PSMD9: variants seen among roughly 807,000 people sequenced by gnomAD.
PSMD9 encodes 26S proteasome non-ATPase regulatory subunit 9.
Under a neutral mutation model 25.9 loss-of-function variants are expected in PSMD9, and 26 were observed. The observed-to-expected ratio is 1.00, with a 90% CI of 0.73 to 1.39. The LOEUF is 1.39. PSMD9 is among the 40% of genes most tolerant of loss of function. PSMD9 has a pLI of 0.00. For synonymous variants in PSMD9, 110 were observed against 114.5 expected (o/e 0.96, Z 0.25); for missense variants, 303 against 299.3 (o/e 1.01, Z -0.09).
rs778886074 is a variant in PSMD9 at position 121,888,811 on chromosome 12, C to T, written c.-46C>T. ...AGTTACGGTCGACTGGGGCGTCGTC[C>T]CTAGCCCGGGAGCCGGGTCTCTGGA... On this transcript the variant is annotated 5_prime_UTR_variant, in exon 1 of 6. Transcript: ENST00000541212. 1.9e-6 allele frequency: 3 copies of T among 1,578,252 alleles called. No individual in the cohort carries two copies. Among genetic ancestry groups the T allele is most frequent in the Non-Finnish European group, 8.6e-7 (1 of 1,163,298 alleles).
rs190570075 is a variant in PSMD9, at chr12:121,907,104, T to A, written c.555+3997T>A. Among the ~76,000 whole-genome samples the A allele has an allele frequency of 1.1e-4, 16 of 152,254 alleles. 1 individual carries two copies. The highest frequency in any genetic ancestry group is 2.9e-4 in the African/African-American group (12 of 41,560). On this transcript the variant is annotated intron_variant, in intron 4 of 5. Transcript: ENST00000541212. ...TTTTTTTTGAGACGAAGTTTTTCTC[T>A]TGTTGCCTAGGCTGGAGTGCAATGG...
chr12:121,904,137 C>T (rs933837043), intron 4 of PSMD9, among the ~76,000 whole-genome samples: 2 of 151,924 alleles, frequency 1.3e-5, no homozygotes, highest in African/African-American at 2.4e-5. Flanking sequence ...GTGGTCAGGC[C>T]ATCGTTTCTG....
intron 4 of PSMD9, among the ~76,000 whole-genome samples, chr12:121,910,083 CTTTTTTTTTTTT>C (rs34940246): frequency 1.0e-5 from 1 of 95,562 alleles, no homozygotes; most frequent in East Asian, 3.3e-4. Flanking sequence ...TAGGAAATGA[CTTTTTTTTTTTT>C]TTTTTTTTTG....
In PSMD9 at chr12:121,888,906, T is replaced by C. The variant is rs2230681; in HGVS notation, c.50T>C (p.Val17Ala). The change falls in exon 1 of 6, where the codon GTC (valine) becomes GCC (alanine). Residue 17 changes from valine to alanine, a missense_variant. Coordinates refer to ENST00000541212, the MANE Select transcript of PSMD9 (RefSeq NM_002813.7). ...RQSGGSSQAG[V>A]VTVSDVQELM... ...AGCGGAGGCTCCTCGCAGGCCGGCG[T>C]CGTGACTGTCAGCGACGTCCAGGAG... The C allele has an allele frequency of 0.86, 1,372,548 of 1,596,832 alleles. 591,063 individuals are homozygous for C. Among genetic ancestry groups the C allele is most frequent in the Middle Eastern group, 0.9 (5,292 of 5,904 alleles).
chr12:121,916,860 A>G lies in PSMD9; in HGVS notation c.*549A>G, dbSNP rs1222806605. On this transcript the variant is annotated 3_prime_UTR_variant, in exon 6 of 6. Coordinates refer to ENST00000541212, the MANE Select transcript of PSMD9 (RefSeq NM_002813.7). The stretch of plus-strand genomic sequence containing the variant: ...GCAGCTGGGCTGTCAGGGCCATAGT[A>G]GCTCCCTTTGGAGAACAGGGAAAGC... 1 of 153,576 alleles carries G rather than the reference A, an allele frequency of 6.5e-6. No individual in the cohort carries two copies. Among genetic ancestry groups the G allele is most frequent in the East Asian group, 1.9e-4 (1 of 5,224 alleles). 9.5% of individuals were successfully genotyped at this position (153,576 alleles called of 1,614,324 possible). A position where few individuals can be genotyped will look rare whatever the true frequency, so the allele number is the denominator to read the frequency against.
chr12:121,895,136 C>G (rs149543970), intron 2 of PSMD9, among the ~76,000 whole-genome samples: 1 of 152,132 alleles, frequency 6.6e-6, no homozygotes, highest in South Asian at 2.1e-4. Context: ...TCTCAACCCC[C>G]CAGGCTCCAA....
At chr12:121,903,289 C>G (rs1436583690) in intron 4 of PSMD9, among the ~76,000 whole-genome samples, 182 bp downstream of exon 4, 3 of 152,160 alleles carry the variant, frequency 2.0e-5, no homozygotes, top group African/African-American at 4.8e-5. Flanking sequence ...CTAGGTGGTG[C>G]CTTCTTGCTG....
chr12:121,901,762 G>A lies in PSMD9; in HGVS notation c.454-1244G>A, dbSNP rs553488948. 2.0e-3 allele frequency among the ~76,000 whole-genome samples: 269 copies of A among 136,946 alleles called. 4 individuals are homozygous for A. Among genetic ancestry groups the A allele is most frequent in the African/African-American group, 7.0e-3 (249 of 35,652 alleles). 89.8% of individuals were successfully genotyped at this position (136,946 alleles called of 152,430 possible). ...ACGATCTCGGCTCACTGCAAGCTCC[G>A]CCTCCCAGGTTCACGCCATTCTCCT... On this transcript the variant is annotated intron_variant, in intron 3 of 5. Transcript: ENST00000541212.
intron 4 of PSMD9, among the ~76,000 whole-genome samples, chr12:121,912,747 T>A (rs1366765583): frequency 6.6e-6 from 1 of 150,780 alleles, no homozygotes; most frequent in Non-Finnish European, 1.5e-5. Flanking sequence ...GTGCCTGTAG[T>A]CACAGCTACT....
At chr12:121,898,782 C>T (rs879620737) in intron 2 of PSMD9, 23 of 152,038 alleles carry the variant, frequency 1.5e-4, no homozygotes, top group Non-Finnish European at 2.9e-4. Context: ...AGTGCAGTGG[C>T]GCGATCTCGG....
chr12:121,908,780 A>G (rs1262154179), intron 4 of PSMD9, among the ~76,000 whole-genome samples: 1 of 152,150 alleles, frequency 6.6e-6, no homozygotes, highest in Non-Finnish European at 1.5e-5. Context: ...TCAGATGTGT[A>G]TAGAAGTTTC....
chr12:121,903,645 A>G (rs1427279795), intron 4 of PSMD9, among the ~76,000 whole-genome samples: 1 of 151,486 alleles, frequency 6.6e-6, no homozygotes, highest in Non-Finnish European at 1.5e-5. Flanking sequence ...TCTGTTTTAC[A>G]CTGGTGACAT....
chr12:121,898,080 A>G (rs890186380), intron 2 of PSMD9: 4 of 152,102 alleles, frequency 2.6e-5, no homozygotes, highest in African/African-American at 7.2e-5. Flanking sequence ...ACCATGTATT[A>G]TGTAAGTCTG....
rs1001352416 is a variant in PSMD9 at position 121,909,535 on chromosome 12, G to A, written c.556-6321G>A. 1.9e-4 allele frequency among the ~76,000 whole-genome samples: 28 copies of A among 151,308 alleles called. 1 individual carries two copies. The highest frequency in any genetic ancestry group is 4.1e-4 in the African/African-American group (17 of 41,100). ...AGGGTCTTGCTATGTTGCCTAGGCCGGTCTAGAACTCCTGGGCTCAAGTGA... is the reference window on the plus strand; with the variant it reads ...AGGGTCTTGCTATGTTGCCTAGGCCAGTCTAGAACTCCTGGGCTCAAGTGA... On this transcript the variant is annotated intron_variant, in intron 4 of 5. Coordinates refer to ENST00000541212, the MANE Select transcript of PSMD9 (RefSeq NM_002813.7).
intron 4 of PSMD9, among the ~76,000 whole-genome samples, chr12:121,912,404 G>A (rs1879752241): frequency 6.6e-6 from 1 of 152,124 alleles, no homozygotes; most frequent in South Asian, 2.1e-4. Context: ...CCCACCAGTG[G>A]TGCACAGGGC....
chr12:121,900,130 T>G (rs976273864), intron 3 of PSMD9, among the ~76,000 whole-genome samples: 2 of 152,072 alleles, frequency 1.3e-5, no homozygotes, highest in African/African-American at 4.8e-5. Context: ...GATCTCTTCT[T>G]GGGGCTCATT....
rs1879935304 is a variant in PSMD9, at chr12:121,917,138, G to T, written c.*827G>T. ...CCCAAGTATCTGGGACCACAGGCGT[G>T]CACCACCATGCATAGCTAATTTATT... On this transcript the variant is annotated 3_prime_UTR_variant, in exon 6 of 6. Transcript: ENST00000541212. 1 of 152,322 alleles carries T rather than the reference G, an allele frequency of 6.6e-6. No homozygotes were observed. Among genetic ancestry groups the T allele is most frequent in the Non-Finnish European group, 1.5e-5 (1 of 68,148 alleles). 9.4% of individuals were successfully genotyped at this position (152,322 alleles called of 1,614,324 possible).
chr12:121,907,932 G>A (rs1374865677), intron 4 of PSMD9, among the ~76,000 whole-genome samples: 1 of 152,134 alleles, frequency 6.6e-6, no homozygotes, highest in Non-Finnish European at 1.5e-5. Context: ...AGCTGCTCTG[G>A]AGGCTGAGGC....
intron 4 of PSMD9, chr12:121,915,542 T>G (rs1879869951): frequency 3.1e-6 from 1 of 318,806 alleles, no homozygotes; most frequent in Non-Finnish European, 5.8e-6. Flanking sequence ...TGTAGAGTGC[T>G]GGGATTACAG....
Sources: allele counts gnomAD v4.1 joint callset (sites outside exome capture counted in the v4.1 genomes callset), GRCh38; gene constraint gnomAD v4.1.1; transcripts MANE v1.5; gene names NCBI Gene and HGNC (gene_info 2026-07-23, HGNC 2026-07-21).